The following ZNF804B variants were observed in gnomAD, a reference collection of about 807,000 sequenced individuals.
The protein encoded by ZNF804B is zinc finger 804B.
Under a neutral mutation model 101.4 loss-of-function variants are expected in ZNF804B, and 80 were observed. That is an observed-to-expected ratio of 0.79 (90% CI 0.66 to 0.95). ZNF804B has a LOEUF of 0.95. Ranked by LOEUF, ZNF804B falls within the 40% of genes least tolerant of loss-of-function variation. ZNF804B has a pLI of 0.00. For synonymous variants in ZNF804B, 622 were observed against 558.8 expected, an observed-to-expected ratio of 1.11 and a Z score of -1.59; for missense variants, 1,673 against 1,561.9, an observed-to-expected ratio of 1.07 and a Z score of -1.20.
intron 1 of ZNF804B, among the ~76,000 whole-genome samples, chr7:88,927,951 C>T (rs902824648): frequency 1.3e-5 from 2 of 151,936 alleles, no homozygotes; most frequent in African/African-American, 2.4e-5. Flanking sequence ...GTCCCTGAAC[C>T]CCAGTTTATC....
chr7:88,793,946 T>C (rs1722614885), intron 1 of ZNF804B, among the ~76,000 whole-genome samples: 2 of 152,134 alleles, frequency 1.3e-5, no homozygotes, highest in Admixed American at 6.6e-5. Flanking sequence ...TGAGAGCTTA[T>C]GATAAACTTA....
At chr7:88,877,589 A>C (rs1270477686) in intron 1 of ZNF804B, among the ~76,000 whole-genome samples, 2 of 152,066 alleles carry the variant, frequency 1.3e-5, no homozygotes, top group African/African-American at 2.4e-5. Context: ...CTATTAATTA[A>C]GGTGTGATTG....
intron 2 of ZNF804B, among the ~76,000 whole-genome samples, chr7:89,271,526 C>CT (rs919590534): frequency 4.3e-4 from 65 of 151,772 alleles, no homozygotes; most frequent in African/African-American, 1.2e-3. Context: ...GTCTAAAATT[C>CT]TTTTTTTTGT....
In ZNF804B at chr7:88,892,118, C is replaced by T. The variant is rs533447356; in HGVS notation, c.108+132034C>T. Among the ~76,000 whole-genome samples the T allele has an allele frequency of 8.5e-5, 13 of 152,074 alleles. No individual in the cohort carries two copies. In the South Asian group the frequency reaches 2.7e-3, roughly 32 times the overall value. On this transcript the variant is annotated intron_variant, in intron 1 of 3. Coordinates refer to ENST00000333190, the MANE Select transcript of ZNF804B (RefSeq NM_181646.5). ...CTGTTAACATAAATGCCTTTACTGT[C>T]CAGAAATATATTTAAATATATTAAT...
chr7:89,214,345 G>A (rs553135978), intron 1 of ZNF804B, among the ~76,000 whole-genome samples: 57 of 152,066 alleles, frequency 3.7e-4, no homozygotes, highest in Non-Finnish European at 6.6e-4. Context: ...CTGTAAGAAG[G>A]GAAATTTAAA....
chr7:88,813,219 A>C (rs1790817960), intron 1 of ZNF804B, among the ~76,000 whole-genome samples: 1 of 152,096 alleles, frequency 6.6e-6, no homozygotes, highest in African/African-American at 2.4e-5. Flanking sequence ...TGAGGTCATG[A>C]GATCGAGACC....
At chr7:89,296,052 C>T (rs1306845770) in intron 2 of ZNF804B, among the ~76,000 whole-genome samples, 1 of 152,060 alleles carries the variant, frequency 6.6e-6, no homozygotes, top group Non-Finnish European at 1.5e-5. Flanking sequence ...ATACAATGTG[C>T]ACTACTTGGG....
intron 1 of ZNF804B, among the ~76,000 whole-genome samples, chr7:88,934,745 T>A (rs1792941176): frequency 6.6e-6 from 1 of 152,012 alleles, no homozygotes. Flanking sequence ...AACCGATAGA[T>A]GTTGGTGTCG....
At chr7:88,858,554 G>A (rs1322182828) in intron 1 of ZNF804B, among the ~76,000 whole-genome samples, 1 of 152,134 alleles carries the variant, frequency 6.6e-6, no homozygotes, top group Non-Finnish European at 1.5e-5. Context: ...TAGAAAAGCA[G>A]TTACTAAACA....
intron 3 of ZNF804B, among the ~76,000 whole-genome samples, chr7:89,330,131 A>C: frequency 6.6e-6 from 1 of 151,712 alleles, no homozygotes; most frequent in East Asian, 1.9e-4. Flanking sequence ...AACTAAAGAA[A>C]GTTCCAAAGA....
chr7:88,833,146 CTT>C (rs1298829988), intron 1 of ZNF804B, among the ~76,000 whole-genome samples: 3 of 138,216 alleles, frequency 2.2e-5, no homozygotes, highest in Non-Finnish European at 3.1e-5. Context: ...TTCCTTTCTG[CTT>C]TTTTTTTTTG....
intron 1 of ZNF804B, among the ~76,000 whole-genome samples, chr7:89,110,484 G>A (rs1244951732): frequency 1.3e-5 from 2 of 152,194 alleles, no homozygotes; most frequent in African/African-American, 4.8e-5. Context: ...CAAAGGGAGT[G>A]TCAGCATGAA....
rs772469110 is a variant in ZNF804B at position 88,979,338 on chromosome 7, CTCTT to C, written c.108+219256_108+219259del. On this transcript the variant is annotated intron_variant, in intron 1 of 3. Coordinates refer to ENST00000333190, the MANE Select transcript of ZNF804B (RefSeq NM_181646.5). ...CCCTTTTCCTTCTGATTGAAGTACT[CTCTT>C]TAGCATTTCTTGTAGGACATGTCTG... 1.2e-4 allele frequency among the ~76,000 whole-genome samples: 19 copies of C among 152,028 alleles called. 1 individual carries two copies. In the South Asian group the frequency reaches 2.7e-3, roughly 22 times the overall value.
At chr7:89,317,706 G>A (rs2115960402) in intron 2 of ZNF804B, among the ~76,000 whole-genome samples, 1 of 152,304 alleles carries the variant, frequency 6.6e-6, no homozygotes, top group African/African-American at 2.4e-5. Flanking sequence ...TGGCAGGAAA[G>A]TTCAAGTGCA....
At chr7:88,944,910 A>G (rs1426462362) in intron 1 of ZNF804B, among the ~76,000 whole-genome samples, 1 of 151,690 alleles carries the variant, frequency 6.6e-6, no homozygotes, top group Non-Finnish European at 1.5e-5. Flanking sequence ...TATGTGTGTA[A>G]TGTATATATA....
intron 1 of ZNF804B, among the ~76,000 whole-genome samples, chr7:88,812,714 AG>A (rs1790808660): frequency 6.6e-6 from 1 of 152,226 alleles, no homozygotes; most frequent in Admixed American, 6.5e-5. Flanking sequence ...AATATTATTC[AG>A]CCTTAAAAAG....
intron 1 of ZNF804B, among the ~76,000 whole-genome samples, chr7:89,023,996 C>CTGCA (rs1562863317): frequency 6.6e-6 from 1 of 152,200 alleles, no homozygotes; most frequent in Non-Finnish European, 1.5e-5. Flanking sequence ...GTGTCTAGAG[C>CTGCA]TGCACTGTGA....
At chr7:89,199,695 T>G (rs1788602643) in intron 1 of ZNF804B, among the ~76,000 whole-genome samples, 1 of 151,816 alleles carries the variant, frequency 6.6e-6, no homozygotes, top group African/African-American at 2.4e-5. Flanking sequence ...TGCCTTTTCA[T>G]TTTTAATAAC....
intron 1 of ZNF804B, among the ~76,000 whole-genome samples, chr7:88,913,354 C>T (rs548922487): frequency 1.2e-3 from 184 of 152,208 alleles, no homozygotes; most frequent in African/African-American, 4.2e-3. Context: ...CTGGAGATAG[C>T]ACAACAAGCA....
Sources: gnomAD v4.1 joint callset for allele counts (sites outside exome capture counted in the v4.1 genomes callset) on GRCh38, gnomAD v4.1.1 for gene constraint, MANE v1.5 for transcripts, NCBI Gene and HGNC (gene_info 2026-07-23, HGNC 2026-07-21) for gene names.